Variants in OSBP observed in about 807,000 individuals in gnomAD.
The protein encoded by OSBP is oxysterol-binding protein 1.
Under a neutral mutation model 96.6 loss-of-function variants are expected in OSBP, and 32 were observed. The ratio of observed to expected loss-of-function variants is 0.33; its 90% CI spans 0.25 to 0.45. The LOEUF (loss-of-function observed/expected upper bound fraction) is 0.45, where lower values mean the gene tolerates loss of function less well. Among genes scored for constraint, OSBP ranks in the 20% least tolerant of loss-of-function variants. OSBP has a pLI of 1.00. For missense variants in OSBP, 653 were observed against 1,029.7 expected (o/e 0.63, Z 5.01); for synonymous variants, 369 against 389.6 (o/e 0.95, Z 0.62).
At chr11:59,601,935 T>C in intron 3 of OSBP, 97 bp from the exon 4 acceptor site, 4 of 1,025,390 alleles carry the variant, frequency 3.9e-6, no homozygotes, top group Non-Finnish European at 5.8e-6. Flanking sequence ...TGGGAACTTT[T>C]AACTGGCAAA....
In OSBP at chr11:59,600,850, C is replaced by A. The variant is rs1860714539; in HGVS notation, c.1148G>T (p.Gly383Val). Residue 383 changes from glycine to valine, a missense_variant, in exon 6 of 14, where the codon GGA becomes GTA. Coordinates refer to ENST00000263847, the MANE Select transcript of OSBP (RefSeq NM_002556.3). ...GHKRTGSNIS[G>V]ASSDISLDEQ... is the part of the protein sequence containing the mutation. Reference sequence around the variant, plus strand: ...ATCAAGGCTGATGTCACTGCTGGCTCCACTGATATTGCTGCCAGTACGTCT... The same window carrying A: ...ATCAAGGCTGATGTCACTGCTGGCTACACTGATATTGCTGCCAGTACGTCT... The A allele has an allele frequency of 4.1e-5, 66 of 1,613,628 alleles. No individual in the cohort carries two copies. Among genetic ancestry groups the A allele is most frequent in the Non-Finnish European group, 5.5e-5 (65 of 1,179,814 alleles).
intron 3 of OSBP, among the ~76,000 whole-genome samples, chr11:59,605,333 T>C (rs1002847203): frequency 6.6e-6 from 1 of 152,150 alleles, no homozygotes; most frequent in Non-Finnish European, 1.5e-5. Flanking sequence ...TCCCAGACTT[T>C]GGGGAAAGGG....
At chr11:59,603,540 T>G (rs937020331) in intron 3 of OSBP, among the ~76,000 whole-genome samples, 3 of 148,112 alleles carry the variant, frequency 2.0e-5, no homozygotes, top group African/African-American at 5.0e-5. Flanking sequence ...TTTTTTTTTT[T>G]TTTTTTTTTT....
chr11:59,598,390 A>G (rs1296145406), intron 7 of OSBP, among the ~76,000 whole-genome samples: 1 of 152,158 alleles, frequency 6.6e-6, no homozygotes, highest in East Asian at 1.9e-4. Flanking sequence ...GGCTGTGGAC[A>G]AAACCTGTAG....
Position 59,576,330 on chromosome 11 carries a change from T to C in OSBP, c.*247A>G. The C allele has an allele frequency of 4.3e-6, 2 of 462,054 alleles. No homozygotes were observed. Among genetic ancestry groups the C allele is most frequent in the Non-Finnish European group, 7.7e-6 (2 of 261,134 alleles). The allele number at this position is 462,054 out of a possible 1,614,324, so 28.6% of individuals were successfully genotyped here. A position where few individuals can be genotyped will look rare whatever the true frequency, so the allele number is the denominator to read the frequency against. Reference sequence around the variant, plus strand: ...TCGTGGATGTGGAATAACACTAACCTTCGGCCACTAAACCTCTCCCTTACA... The same window carrying C: ...TCGTGGATGTGGAATAACACTAACCCTCGGCCACTAAACCTCTCCCTTACA... On this transcript the variant is annotated 3_prime_UTR_variant, in exon 14 of 14. Transcript: ENST00000263847.
intron 9 of OSBP, among the ~76,000 whole-genome samples, chr11:59,587,501 CAAA>C (rs745655455): frequency 2.7e-5 from 3 of 111,430 alleles, no homozygotes; most frequent in African/African-American, 3.2e-5. Flanking sequence ...GACTCCATGT[CAAA>C]AAAAAAAAAA....
intron 7 of OSBP, among the ~76,000 whole-genome samples, chr11:59,594,785 C>T (rs1435340098): frequency 1.3e-5 from 2 of 152,174 alleles, no homozygotes; most frequent in Non-Finnish European, 2.9e-5. Context: ...CTGATTTCTC[C>T]TCTGAGGCTG....
intron 9 of OSBP, among the ~76,000 whole-genome samples, chr11:59,587,711 C>A (rs116921111): frequency 2.2e-3 from 333 of 152,224 alleles, no homozygotes; most frequent in Non-Finnish European, 3.8e-3. Context: ...TAACCGGAAC[C>A]TTTGTGCACT....
chr11:59,583,644 T>C (rs532245000), intron 9 of OSBP, among the ~76,000 whole-genome samples: 2 of 136,036 alleles, frequency 1.5e-5, no homozygotes, highest in African/African-American at 3.0e-5. Context: ...GTTTTTTTTT[T>C]TTTTTTTTTT....
At position 59,594,013 on chromosome 11, in the gene OSBP, T is replaced by C; in HGVS notation, c.1554A>G (p.Glu518=). 6.2e-7 allele frequency: 1 copy of C among 1,613,950 alleles called. No homozygotes were observed. The highest frequency in any genetic ancestry group is 2.2e-5 in the East Asian group (1 of 44,888). Residue 518 remains glutamate (E), a synonymous_variant, in exon 8 of 14, where the codon GAA becomes GAG. Transcript: ENST00000263847. Reference sequence around the variant, plus strand: ...TATGGTTCTGAGGTTCCTTTACCTGTTCACAGAGGGATCGGTACCCATTCT... The same window carrying C: ...TATGGTTCTGAGGTTCCTTTACCTGCTCACAGAGGGATCGGTACCCATTCT... ...LEENGYRSLC[E]QVSHHPPAAA... is the part of the protein sequence containing the mutation.
At chr11:59,578,036 C>T in intron 12 of OSBP, 113 bp downstream of exon 12, 1 of 947,442 alleles carries the variant, frequency 1.1e-6, no homozygotes, top group Non-Finnish European at 1.6e-6. Context: ...GTCTCAATTT[C>T]CCTTGCTCAA....
Position 59,593,682 on chromosome 11 carries a change from T to G in OSBP, c.1600A>C (p.Lys534Gln), listed in dbSNP as rs777025517. Residue 534 changes from lysine to glutamine, a missense_variant, in exon 9 of 14, where the codon AAA becomes CAA. Coordinates refer to ENST00000263847, the MANE Select transcript of OSBP (RefSeq NM_002556.3). ...PPAAAHHAES[K>Q]NGWTLRQEIK... ...TCCTGACGCAATGTCCAGCCATTTT[T>G]GGACTCAGCATGGTGCGCAGCAGCA... The G allele has an allele frequency of 6.2e-7, 1 of 1,614,172 alleles. No homozygotes were observed. The highest frequency in any genetic ancestry group is 1.1e-5 in the South Asian group (1 of 91,082).
At chr11:59,583,943 T>G (rs113205162) in intron 9 of OSBP, among the ~76,000 whole-genome samples, 1,725 of 142,198 alleles carry the variant, frequency 0.012, 40 homozygotes, top group African/African-American at 0.043. Context: ...TGATGGTGTT[T>G]TTTTTTTTTT....
intron 1 of OSBP, among the ~76,000 whole-genome samples, chr11:59,612,746 TTCTTCCC>T: frequency 6.6e-6 from 1 of 152,324 alleles, no homozygotes; most frequent in Admixed American, 6.5e-5. Context: ...GGCCAGAAAG[TTCTTCCC>T]TGAAAAGGCT....
At position 59,606,583 on chromosome 11, in the gene OSBP, G is replaced by A. The variant is rs892689839; in HGVS notation, c.822+1901C>T. Among the ~76,000 whole-genome samples, 14 of 152,288 alleles carry A rather than the reference G, an allele frequency of 9.2e-5. No individual in the cohort carries two copies. In the East Asian group the frequency reaches 2.3e-3, roughly 25 times the overall value. On this transcript the variant is annotated intron_variant, in intron 3 of 13. Transcript: ENST00000263847. Reference sequence around the variant, plus strand: ...TGAAAAACTACCTGTTGCGTACTACGTTCACTACTTGGGCAATGGGATAAT... The same window carrying A: ...TGAAAAACTACCTGTTGCGTACTACATTCACTACTTGGGCAATGGGATAAT...
chr11:59,593,936 G>C, intron 8 of OSBP, 74 bp downstream of exon 8: 1 of 1,556,438 alleles, frequency 6.4e-7, no homozygotes, highest in Non-Finnish European at 8.7e-7. Context: ...GCAAACATAA[G>C]ACCCAGGGGA....
chr11:59,593,963 C>T lies in OSBP; in HGVS notation c.1557+47G>A, dbSNP rs748944363. 7 of 1,599,562 alleles carry T rather than the reference C, an allele frequency of 4.4e-6. No homozygotes were observed. In the Admixed American group the frequency reaches 1.2e-4, roughly 27 times the overall value. ...CCCAGGGGATTAACCAAAAAATCAT[C>T]TCTTTCTTCAGAAAGGAAATGCGTT... On this transcript the variant is annotated intron_variant, in intron 8 of 13. Transcript: ENST00000263847.
chr11:59,594,200 T>C lies in OSBP; in HGVS notation c.1367A>G (p.Tyr456Cys). Reference sequence around the variant, plus strand: ...TGCAGCTCGGTCTAACAGCTCATGGTATTCCAGATCTTCAGTAAGGCGCTG... The same window carrying C: ...TGCAGCTCGGTCTAACAGCTCATGGCATTCCAGATCTTCAGTAAGGCGCTG... Reference protein sequence around the residue: ...MLQRLTEDLEYHELLDRAAKC... With the variant: ...MLQRLTEDLECHELLDRAAKC... The change falls in exon 8 of 14, where the codon TAC becomes TGC. Residue 456 changes from tyrosine to cysteine, a missense_variant. Physicochemically the swap from Tyr to Cys is radical, Grantham distance 194 (BLOSUM62 -2). Coordinates refer to ENST00000263847, the MANE Select transcript of OSBP (RefSeq NM_002556.3). 1.9e-6 allele frequency: 3 copies of C among 1,614,166 alleles called. No individual in the cohort carries two copies. In the South Asian group the frequency reaches 3.3e-5, roughly 18 times the overall value.
intron 10 of OSBP, among the ~76,000 whole-genome samples, chr11:59,580,801 G>A (rs1304939245): frequency 6.6e-6 from 1 of 152,062 alleles, no homozygotes; most frequent in Non-Finnish European, 1.5e-5. Context: ...TTATAGGCAT[G>A]AGCCAACATG....
Sources: allele counts gnomAD v4.1 joint callset (sites outside exome capture counted in the v4.1 genomes callset), GRCh38; gene constraint gnomAD v4.1.1; transcripts MANE v1.5; gene names NCBI Gene and HGNC (gene_info 2026-07-23, HGNC 2026-07-21).